YWHAQ: variants seen among roughly 807,000 people sequenced by gnomAD.
The protein encoded by YWHAQ is 14-3-3 protein theta.
A neutral mutation model predicts 28.3 loss-of-function variants in YWHAQ; 6 were observed. That is an observed-to-expected ratio of 0.21 (90% CI 0.12 to 0.42). The LOEUF (loss-of-function observed/expected upper bound fraction) is 0.42, where lower values mean the gene tolerates loss of function less well. Ranked by LOEUF, YWHAQ falls within the 10% of genes least tolerant of loss-of-function variation. The probability of loss-of-function intolerance (pLI) is 1.00; values close to 1 mark genes in which losing one functional copy is unlikely to be tolerated. For missense variants in YWHAQ, 201 were observed against 305.6 expected, an observed-to-expected ratio of 0.66 and a Z score of 2.55; for synonymous variants, 143 against 119.1, an observed-to-expected ratio of 1.20 and a Z score of -1.31.
intron 2 of YWHAQ, among the ~76,000 whole-genome samples, chr2:9,598,869 G>C (rs1666630661): frequency 6.6e-6 from 1 of 152,156 alleles, no homozygotes; most frequent in South Asian, 2.1e-4. Context: ...GAAAAGATGA[G>C]TTACATGTCT....
chr2:9,596,047 G>A (rs564736299), intron 2 of YWHAQ, among the ~76,000 whole-genome samples: 3 of 152,194 alleles, frequency 2.0e-5, no homozygotes, highest in Non-Finnish European at 4.4e-5. Context: ...TTATTATAGA[G>A]GTTGCTTTAG....
chr2:9,620,671 C>G (rs1667124955), intron 2 of YWHAQ: 1 of 152,192 alleles, frequency 6.6e-6, no homozygotes, highest in Non-Finnish European at 1.5e-5. Flanking sequence ...CAGGAATTAA[C>G]AGGGACTTTT....
chr2:9,607,604 T>C (rs1001882341), intron 2 of YWHAQ, among the ~76,000 whole-genome samples: 1 of 152,038 alleles, frequency 6.6e-6, no homozygotes, highest in East Asian at 1.9e-4. Context: ...ACAAATAAAA[T>C]AGACAAAGAG....
At chr2:9,600,704 TC>T (rs1302663809) in intron 2 of YWHAQ, among the ~76,000 whole-genome samples, 4 of 151,082 alleles carry the variant, frequency 2.6e-5, no homozygotes, top group African/African-American at 9.8e-5. Flanking sequence ...AAACTCTGTC[TC>T]AAAAAAAAAG....
At chr2:9,628,953 A>C (rs988940323) in intron 2 of YWHAQ, 3 of 151,912 alleles carry the variant, frequency 2.0e-5, no homozygotes, top group African/African-American at 7.3e-5. Context: ...ATCGTATTAG[A>C]AAAATAGATA....
intron 2 of YWHAQ, among the ~76,000 whole-genome samples, chr2:9,602,836 AAAAAAAAAAAAAAAAAAAAAAAAAAAAT>A (rs1381969190): frequency 1.9e-3 from 46 of 24,230 alleles, no homozygotes; most frequent in African/African-American, 6.2e-3. Flanking sequence ...ATTTAAAAAA[AAAAAAAAAAAAAAAAAAAAAAAAAAAAT>A]ATATATATAT....
At chr2:9,585,890 G>T (rs1319977540) in intron 5 of YWHAQ, among the ~76,000 whole-genome samples, 1 of 147,836 alleles carries the variant, frequency 6.8e-6, no homozygotes, top group Admixed American at 6.8e-5. Context: ...TCCAGCCTAG[G>T]CAACAGGGTG....
chr2:9,585,445 C>T, intron 5 of YWHAQ, 100 bp from the exon 6 acceptor site: 1 of 1,310,202 alleles, frequency 7.6e-7, no homozygotes, highest in Non-Finnish European at 1.1e-6. Flanking sequence ...TAGTAAATTC[C>T]TCAAACAATG....
chr2:9,630,017 G>C lies in YWHAQ; in HGVS notation c.294+142C>G. On this transcript the variant is annotated intron_variant, in intron 2 of 5. Coordinates refer to ENST00000238081, the MANE Select transcript of YWHAQ (RefSeq NM_006826.4). This position sits in a 1 kb window ranked among gnomAD's most constrained non-coding sequence, Gnocchi z 5.6. ...CTCAACAACCGGAGGGACACAGTAG[G>C]GAAGTCAGGGCTCACCTAAAACCCT... The C allele has an allele frequency of 9.5e-7, 1 of 1,057,138 alleles. No individual in the cohort carries two copies. The highest frequency in any genetic ancestry group is 1.3e-6 in the Non-Finnish European group (1 of 742,502). The allele number at this position is 1,057,138 out of a possible 1,614,324, so 65.5% of individuals were successfully genotyped here. A position where few individuals can be genotyped will look rare whatever the true frequency, so the allele number is the denominator to read the frequency against.
chr2:9,628,770 A>G (rs1392068608), intron 2 of YWHAQ: 1 of 152,208 alleles, frequency 6.6e-6, no homozygotes, highest in Non-Finnish European at 1.5e-5. Context: ...TGCTTCTTCA[A>G]TGCCAAGCAG....
intron 2 of YWHAQ, among the ~76,000 whole-genome samples, chr2:9,623,704 A>C (rs1667190571): frequency 6.6e-6 from 1 of 152,210 alleles, no homozygotes; most frequent in Non-Finnish European, 1.5e-5. Context: ...ACCCGGAGGC[A>C]GAGGTTGAGG....
intron 3 of YWHAQ, among the ~76,000 whole-genome samples, chr2:9,590,308 T>A (rs1666431126): frequency 6.6e-6 from 1 of 152,184 alleles, no homozygotes; most frequent in South Asian, 2.1e-4. Flanking sequence ...AAATTACACA[T>A]CAGTAACAGA....
At chr2:9,625,594 T>C (rs1458248329) in intron 2 of YWHAQ, among the ~76,000 whole-genome samples, 1 of 152,202 alleles carries the variant, frequency 6.6e-6, no homozygotes, top group Non-Finnish European at 1.5e-5. Flanking sequence ...CTCTTAACAC[T>C]TACTAGCTTT....
chr2:9,596,504 G>A (rs1666573133), intron 2 of YWHAQ, among the ~76,000 whole-genome samples: 1 of 152,104 alleles, frequency 6.6e-6, no homozygotes, highest in African/African-American at 2.4e-5. Flanking sequence ...ATAACAGGAA[G>A]CAAAAAAATG....
At chr2:9,605,754 G>A (rs1433141743) in intron 2 of YWHAQ, among the ~76,000 whole-genome samples, 23 of 151,168 alleles carry the variant, frequency 1.5e-4, no homozygotes, top group Admixed American at 1.5e-3. Flanking sequence ...GTAGAGGGGG[G>A]TTTTCACCAT....
At chr2:9,616,300 A>AG (rs1255489298) in intron 2 of YWHAQ, among the ~76,000 whole-genome samples, 1 of 152,220 alleles carries the variant, frequency 6.6e-6, no homozygotes, top group African/African-American at 2.4e-5. Flanking sequence ...CTCACTCCAT[A>AG]TGCAAAAAGG....
At chr2:9,597,477 C>T (rs527640975) in intron 2 of YWHAQ, among the ~76,000 whole-genome samples, 2 of 151,932 alleles carry the variant, frequency 1.3e-5, no homozygotes, top group South Asian at 2.1e-4. Flanking sequence ...GAAACCCCGT[C>T]GCTACTAAAA....
intron 2 of YWHAQ, among the ~76,000 whole-genome samples, chr2:9,610,767 GA>G (rs1666930997): frequency 6.6e-6 from 1 of 152,062 alleles, no homozygotes; most frequent in Admixed American, 6.6e-5. Context: ...CTCGGCCTCG[GA>G]AAGTGCTGGG....
At chr2:9,607,132 T>C (rs1052215660) in intron 2 of YWHAQ, among the ~76,000 whole-genome samples, 19 of 152,182 alleles carry the variant, frequency 1.2e-4, no homozygotes, top group Admixed American at 1.1e-3. Context: ...CCGCCCATCT[T>C]GGCCTTCCAA....
Sources: allele counts gnomAD v4.1 joint callset (sites outside exome capture counted in the v4.1 genomes callset), GRCh38; gene constraint gnomAD v4.1.1; non-coding constraint Gnocchi (gnomAD v3.1); transcripts MANE v1.5; gene names NCBI Gene and HGNC (gene_info 2026-07-23, HGNC 2026-07-21).